Variants in PCDHA12 observed in about 807,000 individuals in gnomAD.
The protein encoded by PCDHA12 is protocadherin alpha 12.
PCDHA12 carries 44 observed loss-of-function variants against 60.0 expected under a neutral mutation model. That is an observed-to-expected ratio of 0.73 (90% CI 0.58 to 0.94). The LOEUF (loss-of-function observed/expected upper bound fraction) is 0.94, where lower values mean the gene tolerates loss of function less well. Among genes scored for constraint, PCDHA12 ranks in the 40% least tolerant of loss-of-function variants. The pLI, the probability that PCDHA12 is intolerant of heterozygous loss-of-function variation, is 0.00. For synonymous variants in PCDHA12, 569 were observed against 553.0 expected, an observed-to-expected ratio of 1.03 and a Z score of -0.40; for missense variants, 1,276 against 1,239.7, an observed-to-expected ratio of 1.03 and a Z score of -0.44.
chr5:140,887,321 C>A (rs1277860165), intron 1 of PCDHA12, among the ~76,000 whole-genome samples: 4 of 152,150 alleles, frequency 2.6e-5, no homozygotes, highest in Non-Finnish European at 5.9e-5. Flanking sequence ...TAGTCTCGAA[C>A]TCCTGACCTC....
rs782766953 is a variant in PCDHA12 at position 140,875,544 on chromosome 5, G to C, written c.72G>C (p.Trp24Cys). The change falls in exon 1 of 4, where the codon TGG becomes TGC. Residue 24 changes from tryptophan to cysteine, a missense_variant. Physicochemically the swap from Trp to Cys is radical, Grantham distance 215. Coordinates refer to ENST00000398631, the MANE Select transcript of PCDHA12 (RefSeq NM_018903.4). ...TCTCGCTTCTGCTCCTTGCAGCCTG[G>C]GAGGTGGGGAGCGGCCAGCTCCACT... ...LLLSLLLLAAWEVGSGQLHYS... is the reference protein window; with the variant it reads ...LLLSLLLLAACEVGSGQLHYS... 9.0e-5 allele frequency: 146 copies of C among 1,614,052 alleles called. No homozygotes were observed. The East Asian group carries it at 3.2e-3, about 36-fold the overall frequency.
chr5:140,904,706 A>G (rs1554191662), intron 1 of PCDHA12, among the ~76,000 whole-genome samples: 2 of 151,982 alleles, frequency 1.3e-5, no homozygotes, highest in South Asian at 2.1e-4. Flanking sequence ...TTCCCTTTTC[A>G]CCACATTCTG....
intron 1 of PCDHA12, among the ~76,000 whole-genome samples, chr5:140,973,323 A>G (rs1331752602): frequency 1.3e-5 from 2 of 152,160 alleles, no homozygotes; most frequent in African/African-American, 4.8e-5. Flanking sequence ...AACAGAGTTT[A>G]CACTCGTTGT....
chr5:140,967,385 C>G (rs2096135382), intron 1 of PCDHA12: 1 of 1,608,920 alleles, frequency 6.2e-7, no homozygotes, highest in African/African-American at 1.3e-5. Flanking sequence ...CAGTAAAGTG[C>G]TTGAGCTGGT....
At chr5:140,928,809 G>A (rs1563109634) in intron 1 of PCDHA12, 2 of 1,614,078 alleles carry the variant, frequency 1.2e-6, no homozygotes, top group African/African-American at 2.7e-5. Flanking sequence ...TAGTGGTTCG[G>A]GACCATGGAG....
chr5:140,877,649 C>T lies in PCDHA12; in HGVS notation c.2177C>T (p.Pro726Leu), dbSNP rs369703340. 2.5e-6 allele frequency: 4 copies of T among 1,613,556 alleles called. No individual in the cohort carries two copies. The highest frequency in any genetic ancestry group is 1.7e-4 in the Middle Eastern group (1 of 6,054). Residue 726 changes from proline (P) to leucine (L), a missense_variant, in exon 1 of 4, where the codon CCG (proline) becomes CTG (leucine). Pro to Leu is a moderately conservative substitution (Grantham distance 98). Coordinates refer to ENST00000398631, the MANE Select transcript of PCDHA12 (RefSeq NM_018903.4). ...TACACTGCGCTGCGTTGCTCAGCGC[C>T]GCCCACCGTGAGCCGGTGCGCGCCG... is the stretch of plus-strand genomic sequence containing the variant. ...LLYTALRCSA[P>L]PTVSRCAPGK...
intron 1 of PCDHA12, among the ~76,000 whole-genome samples, chr5:140,909,351 T>C (rs2153508982): frequency 6.6e-6 from 1 of 152,238 alleles, no homozygotes; most frequent in African/African-American, 2.4e-5. Context: ...TACCAAGAGA[T>C]GTGTTAATTT....
Position 140,979,001 on chromosome 5 carries a change from T to C in PCDHA12, c.2420T>C (p.Met807Thr). ...WRYSASLRAG[M>T]HSSVHLEEAG... Reference sequence around the variant, plus strand: ...TACTCTGCCTCCCTGAGAGCAGGCATGCACAGGTATGTATTTCCCTCCTCA... The same window carrying C: ...TACTCTGCCTCCCTGAGAGCAGGCACGCACAGGTATGTATTTCCCTCCTCA... Residue 807 changes from methionine (M) to threonine (T), a missense_variant, in exon 2 of 4, where the codon ATG becomes ACG. By Grantham distance (81) the Met-to-Thr change is moderately conservative (BLOSUM62 -1). Transcript: ENST00000398631. 6.2e-7 allele frequency: 1 copy of C among 1,614,148 alleles called. No individual in the cohort carries two copies. Among genetic ancestry groups the C allele is most frequent in the Non-Finnish European group, 8.5e-7 (1 of 1,180,016 alleles).
chr5:141,002,095 C>G (rs1341792848), intron 3 of PCDHA12, among the ~76,000 whole-genome samples: 1 of 152,234 alleles, frequency 6.6e-6, no homozygotes, highest in Non-Finnish European at 1.5e-5. Flanking sequence ...AGTCCAGGGG[C>G]TGGGCCGGAA....
At chr5:140,939,987 C>T (rs2092516961) in intron 1 of PCDHA12, among the ~76,000 whole-genome samples, 1 of 152,060 alleles carries the variant, frequency 6.6e-6, no homozygotes. Flanking sequence ...TGAATTGTTT[C>T]TCCTTGGATT....
At position 140,917,315 on chromosome 5, in the gene PCDHA12, T is replaced by C. The variant is rs1015690007; in HGVS notation, c.2367+39476T>C. Among the ~76,000 whole-genome samples, 5 of 128,328 alleles carry C rather than the reference T, an allele frequency of 3.9e-5. No homozygotes were observed. In the East Asian group the frequency reaches 1.3e-3, roughly 32 times the overall value. 84.2% of individuals were successfully genotyped at this position (128,328 alleles called of 152,430 possible). A position where few individuals can be genotyped will look rare whatever the true frequency, so the allele number is the denominator to read the frequency against. On this transcript the variant is annotated intron_variant, in intron 1 of 3. Coordinates refer to ENST00000398631, the MANE Select transcript of PCDHA12 (RefSeq NM_018903.4). Reference sequence around the variant, plus strand: ...TGCAGATAGTTGTTACAATTTGGTGTTCATGTGGCGGGGGAGGGGGGGGAT... The same window carrying C: ...TGCAGATAGTTGTTACAATTTGGTGCTCATGTGGCGGGGGAGGGGGGGGAT...
rs2056458194 is a variant in PCDHA12, at chr5:140,876,609, T to C, written c.1137T>C (p.Ser379=). The part of the protein sequence containing the change: ...IALISVSDRD[S]GANGQVICSL... ...TGATTAGCGTGTCGGATCGTGACTC[T>C]GGAGCCAATGGACAGGTCATCTGCT... Residue 379 remains serine, a synonymous_variant, in exon 1 of 4, where the codon TCT becomes TCC. Coordinates refer to ENST00000398631, the MANE Select transcript of PCDHA12 (RefSeq NM_018903.4). The C allele has an allele frequency of 3.1e-6, 5 of 1,614,226 alleles. No individual in the cohort carries two copies. In the East Asian group the frequency reaches 1.1e-4, roughly 36 times the overall value.
intron 1 of PCDHA12, among the ~76,000 whole-genome samples, chr5:140,947,509 T>C (rs1358803536): frequency 2.6e-5 from 4 of 151,722 alleles, no homozygotes; most frequent in Non-Finnish European, 4.4e-5. Flanking sequence ...AATTTTCATA[T>C]AAATTTTAGA....
At chr5:140,883,008 AT>A in intron 1 of PCDHA12, 1 of 1,614,178 alleles carries the variant, frequency 6.2e-7, no homozygotes, top group Non-Finnish European at 8.5e-7. Context: ...CAATCCGTTT[AT>A]AAAGTGACGG....
chr5:140,919,258 A>G (rs2079053720), intron 1 of PCDHA12, among the ~76,000 whole-genome samples: 1 of 152,178 alleles, frequency 6.6e-6, no homozygotes, highest in African/African-American at 2.4e-5. Flanking sequence ...TTTGTCTGAT[A>G]TTAGTGTAGT....
At chr5:140,950,555 C>T (rs1421946616) in intron 1 of PCDHA12, among the ~76,000 whole-genome samples, 1 of 151,964 alleles carries the variant, frequency 6.6e-6, no homozygotes, top group Non-Finnish European at 1.5e-5. Flanking sequence ...GCTGGGGGGA[C>T]ACTTATTTTA....
chr5:140,954,025 C>A (rs533473552), intron 1 of PCDHA12, among the ~76,000 whole-genome samples: 1 of 152,072 alleles, frequency 6.6e-6, no homozygotes, highest in African/African-American at 2.4e-5. Context: ...CATAGTGGGA[C>A]GATGTGGTAT....
At chr5:140,967,453 C>T in intron 1 of PCDHA12, 1 of 1,613,556 alleles carries the variant, frequency 6.2e-7, no homozygotes, top group South Asian at 1.1e-5. Context: ...TTCTCACAGC[C>T]GTGGATGGGG....
intron 1 of PCDHA12, among the ~76,000 whole-genome samples, chr5:140,950,428 T>G (rs408652): frequency 0.56 from 85,077 of 151,214 alleles, 24,477 homozygotes; most frequent in African/African-American, 0.69. Context: ...TTTCTTCCAC[T>G]TAAAAAAAAT....
Sources: allele counts gnomAD v4.1 joint callset (sites outside exome capture counted in the v4.1 genomes callset), GRCh38; gene constraint gnomAD v4.1.1; transcripts MANE v1.5; gene names NCBI Gene and HGNC (gene_info 2026-07-23, HGNC 2026-07-21).